RIT2: variants seen among roughly 807,000 people sequenced by gnomAD.
RIT2 encodes GTP-binding protein Rit2.
Under a neutral mutation model 23.7 loss-of-function variants are expected in RIT2, and 24 were observed. The observed-to-expected ratio is 1.01, with a 90% CI of 0.73 to 1.43. The LOEUF is 1.43. RIT2 is among the 40% of genes most tolerant of loss of function. The pLI, the probability that RIT2 is intolerant of heterozygous loss-of-function variation, is 0.00. For missense variants in RIT2, 236 were observed against 266.9 expected, an observed-to-expected ratio of 0.88 and a Z score of 0.81; for synonymous variants, 107 against 91.1, an observed-to-expected ratio of 1.17 and a Z score of -0.99.
intron 4 of RIT2, among the ~76,000 whole-genome samples, chr18:42,799,078 A>T (rs1401561774): frequency 1.3e-5 from 2 of 152,238 alleles, no homozygotes; most frequent in Non-Finnish European, 2.9e-5. Context: ...TTCAGCAGTT[A>T]TCAGGAGGGA....
intron 4 of RIT2, among the ~76,000 whole-genome samples, chr18:42,884,436 A>T (rs1399594864): frequency 6.6e-6 from 1 of 152,200 alleles, no homozygotes; most frequent in African/African-American, 2.4e-5. Flanking sequence ...AAATAATCTT[A>T]AGATCTTTCA....
intron 4 of RIT2, among the ~76,000 whole-genome samples, chr18:42,828,385 A>G (rs1906363507): frequency 6.6e-6 from 1 of 152,246 alleles, no homozygotes; most frequent in Non-Finnish European, 1.5e-5. Context: ...TAATTTGTAA[A>G]ACATCCACTT....
At chr18:42,970,546 A>C (rs9957165) in intron 3 of RIT2, among the ~76,000 whole-genome samples, 25,670 of 151,854 alleles carry the variant, frequency 0.17, 2,414 homozygotes, top group Middle Eastern at 0.23. Context: ...CAAAAGCAGA[A>C]AGGTCTATCT....
chr18:43,113,753 C>T (rs1914005044), intron 1 of RIT2, among the ~76,000 whole-genome samples: 1 of 152,114 alleles, frequency 6.6e-6, no homozygotes, highest in Non-Finnish European at 1.5e-5. Context: ...CCACATCCCC[C>T]AAGCTCCTAA....
chr18:42,821,376 T>C (rs549124748), intron 4 of RIT2, among the ~76,000 whole-genome samples: 1 of 152,226 alleles, frequency 6.6e-6, no homozygotes, highest in South Asian at 2.1e-4. Context: ...CACATGACTA[T>C]AAGTAGGTTA....
At chr18:42,832,189 G>C (rs1906477511) in intron 4 of RIT2, among the ~76,000 whole-genome samples, 1 of 152,172 alleles carries the variant, frequency 6.6e-6, no homozygotes, top group Non-Finnish European at 1.5e-5. Context: ...GCAGCTTATG[G>C]TCCAGGGCGT....
intron 2 of RIT2, among the ~76,000 whole-genome samples, chr18:42,995,955 C>T (rs2144234786): frequency 6.6e-6 from 1 of 152,288 alleles, no homozygotes; most frequent in Admixed American, 6.5e-5. Flanking sequence ...GCTGATATCT[C>T]CTGGTGCTAT....
At chr18:42,941,972 T>C (rs1445181457) in intron 3 of RIT2, among the ~76,000 whole-genome samples, 5 of 152,154 alleles carry the variant, frequency 3.3e-5, no homozygotes, top group African/African-American at 1.2e-4. Flanking sequence ...TTGTTTAATC[T>C]CTGTCATTTC....
intron 4 of RIT2, among the ~76,000 whole-genome samples, chr18:42,745,594 T>A (rs1227852246): frequency 6.6e-6 from 1 of 152,196 alleles, no homozygotes; most frequent in Non-Finnish European, 1.5e-5. Flanking sequence ...TTCCTACTGG[T>A]AAACATGCCA....
chr18:42,998,951 T>G (rs1232674011), intron 2 of RIT2, among the ~76,000 whole-genome samples: 3 of 152,144 alleles, frequency 2.0e-5, no homozygotes, highest in Admixed American at 6.6e-5. Context: ...AATTTGTTGT[T>G]GGGAAGACCT....
At chr18:43,022,838 T>C (rs540389443) in intron 2 of RIT2, among the ~76,000 whole-genome samples, 1 of 152,226 alleles carries the variant, frequency 6.6e-6, no homozygotes, top group South Asian at 2.1e-4. Context: ...AGAATTCTCC[T>C]AGCCTGTAGA....
chr18:43,046,218 T>C (rs1912243262), intron 1 of RIT2, among the ~76,000 whole-genome samples: 3 of 152,198 alleles, frequency 2.0e-5, no homozygotes, highest in Non-Finnish European at 4.4e-5. Context: ...GAGTCAGTGC[T>C]GTATGACATC....
rs145595019 is a variant in RIT2 at position 42,991,544 on chromosome 18, G to C, written c.161-17397C>G. ...TAAGCCATCATATCCCCTGTGACCT[G>C]CATGTACAGGGACGAGATGGCCGGT... is the stretch of plus-strand genomic sequence containing the variant. On this transcript the variant is annotated intron_variant, in intron 2 of 4. Transcript: ENST00000326695. 4.6e-3 allele frequency among the ~76,000 whole-genome samples: 703 copies of C among 152,254 alleles called. 3 individuals are homozygous for C. The highest frequency in any genetic ancestry group is 0.017 in the Middle Eastern group (5 of 294).
intron 4 of RIT2, among the ~76,000 whole-genome samples, chr18:42,890,781 C>A (rs474323): frequency 0.018 from 2,667 of 152,082 alleles, 103 homozygotes; most frequent in African/African-American, 0.061. Flanking sequence ...AAATTATAAA[C>A]ACTGAAATAA....
chr18:43,075,978 A>C (rs1215736362), intron 1 of RIT2, among the ~76,000 whole-genome samples: 1 of 152,182 alleles, frequency 6.6e-6, no homozygotes, highest in Non-Finnish European at 1.5e-5. Flanking sequence ...ATTTTTTATC[A>C]TTTTAACATA....
intron 4 of RIT2, among the ~76,000 whole-genome samples, chr18:42,921,593 T>C (rs1038423410): frequency 2.0e-4 from 31 of 152,064 alleles, no homozygotes; most frequent in Admixed American, 2.0e-3. Context: ...GAAAAGTAAA[T>C]GTCAGCCAGC....
At chr18:42,899,332 A>C (rs1281534379) in intron 4 of RIT2, among the ~76,000 whole-genome samples, 2 of 151,194 alleles carry the variant, frequency 1.3e-5, no homozygotes, top group Non-Finnish European at 3.0e-5. Context: ...AGGACACTTC[A>C]AAATGAGTGC....
At chr18:43,110,427 C>T (rs1913926863) in intron 1 of RIT2, among the ~76,000 whole-genome samples, 1 of 151,844 alleles carries the variant, frequency 6.6e-6, no homozygotes, top group Non-Finnish European at 1.5e-5. Flanking sequence ...GATGTGAAGC[C>T]AAGGAAGACA....
At chr18:42,877,816 A>G (rs1012355255) in intron 4 of RIT2, among the ~76,000 whole-genome samples, 38 of 151,860 alleles carry the variant, frequency 2.5e-4, no homozygotes, top group African/African-American at 8.7e-4. Flanking sequence ...AAAATATTAC[A>G]TGAAACTAAC....
Sources: gnomAD v4.1 joint callset for allele counts (sites outside exome capture counted in the v4.1 genomes callset) on GRCh38, gnomAD v4.1.1 for gene constraint, MANE v1.5 for transcripts, NCBI Gene and HGNC (gene_info 2026-07-23, HGNC 2026-07-21) for gene names.